Variants in ZBTB7C observed in about 807,000 individuals in gnomAD.
The protein encoded by ZBTB7C is zinc finger and BTB domain containing 7C.
In ZBTB7C, 8 loss-of-function variants were observed where a neutral mutation model predicts 25.7. The ratio of observed to expected loss-of-function variants is 0.31; its 90% confidence interval spans 0.18 to 0.56. ZBTB7C has a LOEUF of 0.56. ZBTB7C is among the 20% of genes least tolerant of loss of function. The probability of loss-of-function intolerance (pLI) is 0.91; values close to 1 mark genes in which losing one functional copy is unlikely to be tolerated. For missense variants in ZBTB7C, 824 were observed against 855.2 expected, an observed-to-expected ratio of 0.96 and a Z score of 0.46; for synonymous variants, 394 against 369.0, an observed-to-expected ratio of 1.07 and a Z score of -0.78.
chr18:48,251,796 C>T (rs1240283155), intron 2 of ZBTB7C, among the ~76,000 whole-genome samples: 1 of 152,222 alleles, frequency 6.6e-6, no homozygotes, highest in Non-Finnish European at 1.5e-5. Context: ...CAGACACCAC[C>T]TCCTCAAGCT....
chr18:48,221,391 C>T (rs1434975116), intron 2 of ZBTB7C, among the ~76,000 whole-genome samples: 1 of 136,438 alleles, frequency 7.3e-6, no homozygotes, highest in Non-Finnish European at 1.5e-5. Context: ...CCCTAGTCTC[C>T]TCTACACTGT....
intron 2 of ZBTB7C, among the ~76,000 whole-genome samples, chr18:48,281,780 A>G (rs1254468163): frequency 2.6e-5 from 4 of 151,480 alleles, no homozygotes; most frequent in African/African-American, 9.7e-5. Context: ...CACACCAGTT[A>G]GAATGGCAAT....
intron 1 of ZBTB7C, among the ~76,000 whole-genome samples, chr18:48,402,980 G>T (rs1035985100): frequency 1.3e-5 from 2 of 152,318 alleles, no homozygotes; most frequent in Admixed American, 1.3e-4. Flanking sequence ...AATCAGTAGG[G>T]TGTGAACCAC....
At chr18:48,377,109 C>A (rs1312968013) in intron 1 of ZBTB7C, among the ~76,000 whole-genome samples, 1 of 152,192 alleles carries the variant, frequency 6.6e-6, no homozygotes, top group Non-Finnish European at 1.5e-5. Flanking sequence ...AGGCCTCCTG[C>A]AGGTTCCAGA....
chr18:48,376,240 C>A (rs9964256), intron 1 of ZBTB7C, among the ~76,000 whole-genome samples: 1 of 152,122 alleles, frequency 6.6e-6, no homozygotes, highest in Non-Finnish European at 1.5e-5. Flanking sequence ...TATGTCCATT[C>A]GCATTTTAAA....
intron 3 of ZBTB7C, among the ~76,000 whole-genome samples, chr18:48,145,918 T>G (rs1367942125): frequency 2.0e-5 from 3 of 152,246 alleles, no homozygotes; most frequent in Non-Finnish European, 4.4e-5. Flanking sequence ...CAAGTTCATG[T>G]GATTTAGGTA....
chr18:48,286,501 T>G (rs961491683), intron 2 of ZBTB7C, among the ~76,000 whole-genome samples: 3 of 151,962 alleles, frequency 2.0e-5, no homozygotes, highest in African/African-American at 7.3e-5. Context: ...TGATGCAATA[T>G]TTAACTCACC....
chr18:48,144,205 G>A (rs1439274290), intron 3 of ZBTB7C, among the ~76,000 whole-genome samples: 2 of 152,068 alleles, frequency 1.3e-5, no homozygotes, highest in Admixed American at 1.3e-4. Context: ...CTTGAAGCCG[G>A]GAGGCGGAGG....
intron 3 of ZBTB7C, among the ~76,000 whole-genome samples, chr18:48,081,977 T>C (rs2038005452): frequency 2.7e-5 from 1 of 36,994 alleles, no homozygotes; most frequent in Admixed American, 1.6e-4. Context: ...TAATGTTAAC[T>C]TGTATTTTTG....
intron 3 of ZBTB7C, among the ~76,000 whole-genome samples, chr18:48,078,130 GA>G (rs1388983967): frequency 6.6e-6 from 1 of 152,128 alleles, no homozygotes; most frequent in East Asian, 1.9e-4. Flanking sequence ...TTGTCACTAA[GA>G]TGGCCCTCTG....
At chr18:48,342,472 C>T (rs1357147152) in intron 1 of ZBTB7C, among the ~76,000 whole-genome samples, 1 of 152,098 alleles carries the variant, frequency 6.6e-6, no homozygotes, top group African/African-American at 2.4e-5. Flanking sequence ...AGACGGCCAT[C>T]GTCCCCAGAA....
chr18:48,202,209 C>T lies in ZBTB7C; in HGVS notation c.-78-16214G>A, dbSNP rs936637599. 7.2e-5 allele frequency among the ~76,000 whole-genome samples: 11 copies of T among 152,264 alleles called. No homozygotes were observed. The East Asian group carries it at 7.7e-4, about 11-fold the overall frequency. Reference sequence around the variant, plus strand: ...GGGAGGAGGCAGGACATGGACATTGCCTTCCATGGCCTTGTAGTCTTTTGG... The same window carrying T: ...GGGAGGAGGCAGGACATGGACATTGTCTTCCATGGCCTTGTAGTCTTTTGG... On this transcript the variant is annotated intron_variant, in intron 2 of 4. Coordinates refer to ENST00000590800, the MANE Select transcript of ZBTB7C (RefSeq NM_001318841.2).
intron 2 of ZBTB7C, among the ~76,000 whole-genome samples, chr18:48,189,921 C>T (rs532275802): frequency 1.8e-4 from 27 of 152,318 alleles, no homozygotes; most frequent in East Asian, 3.9e-4. Flanking sequence ...CTGGCCTCTG[C>T]GGGGCAGATG....
chr18:48,044,877 T>C lies in ZBTB7C; in HGVS notation c.-16-3754A>G, dbSNP rs150675394. Among the ~76,000 whole-genome samples, 966 of 152,374 alleles carry C rather than the reference T, an allele frequency of 6.3e-3. 14 individuals are homozygous for C. The highest frequency in any genetic ancestry group is 0.022 in the African/African-American group (933 of 41,588). ...ACAATAACGCATTTAGCTCCTATTG[T>C]TACCATCGTTCCCATTTTACAGATG... On this transcript the variant is annotated intron_variant, in intron 3 of 4. Transcript: ENST00000590800.
chr18:48,130,728 A>G (rs575650070), intron 3 of ZBTB7C, among the ~76,000 whole-genome samples: 2 of 152,200 alleles, frequency 1.3e-5, no homozygotes, highest in South Asian at 4.2e-4. Flanking sequence ...CTCTGTGGAG[A>G]ACACCAGCGT....
chr18:48,078,552 G>A (rs901692527), intron 3 of ZBTB7C, among the ~76,000 whole-genome samples: 3 of 152,328 alleles, frequency 2.0e-5, no homozygotes, highest in Middle Eastern at 6.8e-3. Context: ...GTGTACTGGG[G>A]AGCAGTCGTG....
At chr18:48,190,523 G>A (rs542930836) in intron 2 of ZBTB7C, among the ~76,000 whole-genome samples, 1 of 152,282 alleles carries the variant, frequency 6.6e-6, no homozygotes, top group Middle Eastern at 3.4e-3. Flanking sequence ...CTGAAGCAGT[G>A]CTCAAATCAA....
intron 3 of ZBTB7C, among the ~76,000 whole-genome samples, chr18:48,098,843 T>C (rs2038732529): frequency 6.6e-6 from 1 of 152,206 alleles, no homozygotes; most frequent in South Asian, 2.1e-4. Flanking sequence ...CCTGCGGCAC[T>C]GAAATTGGAG....
At chr18:48,159,900 G>A (rs2040949184) in intron 3 of ZBTB7C, among the ~76,000 whole-genome samples, 1 of 152,136 alleles carries the variant, frequency 6.6e-6, no homozygotes, top group Non-Finnish European at 1.5e-5. Context: ...GGATCTGTGG[G>A]GCTGTGGTCT....
Sources: gnomAD v4.1 joint callset for allele counts (sites outside exome capture counted in the v4.1 genomes callset) on GRCh38, gnomAD v4.1.1 for gene constraint, MANE v1.5 for transcripts, NCBI Gene and HGNC (gene_info 2026-07-23, HGNC 2026-07-21) for gene names.